RBFOX1: variants seen among roughly 807,000 people sequenced by gnomAD.
The protein encoded by RBFOX1 is RNA binding fox-1 homolog 1, also known as RNA binding protein fox-1 homolog 1.
RBFOX1 carries 8 observed loss-of-function variants against 57.7 expected under a neutral mutation model. That is an observed-to-expected ratio of 0.14 (90% CI 0.08 to 0.25). RBFOX1 has a LOEUF of 0.25. RBFOX1 is among the 10% of genes least tolerant of loss of function. The pLI, the probability that RBFOX1 is intolerant of heterozygous loss-of-function variation, is 1.00. For synonymous variants in RBFOX1, 326 were observed against 222.4 expected (o/e 1.47, Z -4.15); for missense variants, 611 against 548.5 (o/e 1.11, Z -1.14).
At position 7,699,453 on chromosome 16, in the gene RBFOX1, A is replaced by C. The variant is rs547329047; in HGVS notation, c.996-9603A>C. ...GCCATCCTGCCCCTTTGGCCTACCA[A>C]AGTCCTGCGAGTACAGGCACGGGCC... On this transcript the variant is annotated intron_variant, in intron 14 of 15. Coordinates refer to ENST00000550418, the MANE Select transcript of RBFOX1 (RefSeq NM_018723.4). Among the ~76,000 whole-genome samples the C allele has an allele frequency of 2.0e-5, 3 of 152,214 alleles. No individual in the cohort carries two copies. In the East Asian group the frequency reaches 5.8e-4, roughly 29 times the overall value.
At chr16:6,698,247 G>A (rs1274701283) in intron 3 of RBFOX1, among the ~76,000 whole-genome samples, 2 of 152,114 alleles carry the variant, frequency 1.3e-5, no homozygotes, top group Non-Finnish European at 2.9e-5. Flanking sequence ...AAATAATACA[G>A]CATTAAGATG....
At chr16:6,919,782 T>TG (rs2074053846) in intron 3 of RBFOX1, among the ~76,000 whole-genome samples, 1 of 151,174 alleles carries the variant, frequency 6.6e-6, no homozygotes, top group Non-Finnish European at 1.5e-5. Flanking sequence ...TTTTTTTTTT[T>TG]TTTTCATTAT....
intron 2 of RBFOX1, among the ~76,000 whole-genome samples, chr16:6,555,872 T>A (rs548585034): frequency 6.6e-6 from 1 of 152,322 alleles, no homozygotes; most frequent in South Asian, 2.1e-4. Context: ...TGTCTGGTTA[T>A]TAGTCAATTC....
At chr16:7,332,905 C>T (rs755608117) in intron 4 of RBFOX1, 85 of 1,585,676 alleles carry the variant, frequency 5.4e-5, no homozygotes, top group Non-Finnish European at 6.9e-5. Flanking sequence ...ATTTGGCTCC[C>T]AGCTTTGTAG....
At chr16:6,473,997 G>C (rs1027630024) in intron 2 of RBFOX1, among the ~76,000 whole-genome samples, 7 of 152,158 alleles carry the variant, frequency 4.6e-5, no homozygotes, top group Non-Finnish European at 8.8e-5. Flanking sequence ...TGACTTCCTT[G>C]AATCGTGACT....
chr16:7,600,682 T>C (rs1213723193), intron 9 of RBFOX1, among the ~76,000 whole-genome samples: 2 of 152,232 alleles, frequency 1.3e-5, no homozygotes, highest in Non-Finnish European at 1.5e-5. Context: ...AATATAGTTA[T>C]CAATGCCAGC....
chr16:5,632,726 C>T (rs943073250), intron 3 of RBFOX1, among the ~76,000 whole-genome samples: 1 of 152,152 alleles, frequency 6.6e-6, no homozygotes, highest in Non-Finnish European at 1.5e-5. Context: ...ATTTAGTGAG[C>T]ACTTACTGTC....
At chr16:6,778,010 A>C (rs1448007184) in intron 3 of RBFOX1, among the ~76,000 whole-genome samples, 1 of 152,176 alleles carries the variant, frequency 6.6e-6, no homozygotes, top group Non-Finnish European at 1.5e-5. Flanking sequence ...ATATACATTT[A>C]TGCTCCATGT....
intron 4 of RBFOX1, among the ~76,000 whole-genome samples, chr16:7,497,104 C>G (rs939114394): frequency 6.6e-6 from 1 of 152,164 alleles, no homozygotes; most frequent in Non-Finnish European, 1.5e-5. Flanking sequence ...CTAAGACAAA[C>G]CTGACCATGT....
chr16:6,976,865 C>G (rs1313995579), intron 3 of RBFOX1, among the ~76,000 whole-genome samples: 1 of 7,168 alleles, frequency 1.4e-4, no homozygotes, highest in Non-Finnish European at 2.0e-4. Flanking sequence ...ACATATATAT[C>G]ACATATGTCA....
chr16:7,310,350 C>A (rs1276410592), intron 4 of RBFOX1, among the ~76,000 whole-genome samples: 1 of 152,140 alleles, frequency 6.6e-6, no homozygotes, highest in African/African-American at 2.4e-5. Context: ...TGTTTCTGAT[C>A]TTCCTGTCAT....
intron 4 of RBFOX1, among the ~76,000 whole-genome samples, chr16:7,459,834 A>G (rs2059217803): frequency 1.3e-5 from 2 of 152,186 alleles, no homozygotes; most frequent in Non-Finnish European, 2.9e-5. Flanking sequence ...GGGCCACCAT[A>G]CATACACATT....
Position 5,870,373 on chromosome 16 carries a change from C to CAAAAA in RBFOX1, c.351+3053_351+3057dup, listed in dbSNP as rs59398844. Among the ~76,000 whole-genome samples the CAAAAA allele has an allele frequency of 3.9e-3, 352 of 91,078 alleles. 2 individuals are homozygous for CAAAAA. Among genetic ancestry groups the CAAAAA allele is most frequent in the African/African-American group, 0.014 (304 of 21,758 alleles). 59.8% of individuals were successfully genotyped at this position (91,078 alleles called of 152,430 possible). A position where few individuals can be genotyped will look rare whatever the true frequency, so the allele number is the denominator to read the frequency against. ...ATCTTACAGGTTGTAATTTGTATGG[C>CAAAAA]AAAAAAAAAAAAAAAAAAATGAAGG... On this transcript the variant is annotated intron_variant, in intron 4 of 19. Coordinates refer to the RBFOX1 transcript ENST00000641259.
At position 6,885,515 on chromosome 16, in the gene RBFOX1, C is replaced by G. The variant is rs1300607069; in HGVS notation, c.-15-166542C>G. 5.3e-5 allele frequency among the ~76,000 whole-genome samples: 8 copies of G among 151,202 alleles called. No homozygotes were observed. The South Asian group carries it at 1.7e-3, about 32-fold the overall frequency. ...CCAGGATGGTGCATTAAATCTACTT[C>G]TGCATTTTATTTTTTTATTTTTTTT... On this transcript the variant is annotated intron_variant, in intron 3 of 15. Transcript: ENST00000550418.
At chr16:6,537,269 C>G (rs954834575) in intron 2 of RBFOX1, among the ~76,000 whole-genome samples, 2 of 152,066 alleles carry the variant, frequency 1.3e-5, no homozygotes, top group African/African-American at 2.4e-5. Flanking sequence ...AGAATATGAA[C>G]AGCAATATTT....
chr16:7,283,767 C>A (rs1603484867), intron 4 of RBFOX1, among the ~76,000 whole-genome samples: 1 of 152,272 alleles, frequency 6.6e-6, no homozygotes, highest in African/African-American at 2.4e-5. Context: ...GTCATCAGAT[C>A]ATTGCATCAA....
At chr16:7,035,321 C>G (rs993696002) in intron 3 of RBFOX1, among the ~76,000 whole-genome samples, 2 of 152,068 alleles carry the variant, frequency 1.3e-5, no homozygotes, top group Admixed American at 1.3e-4. Context: ...TGGTGCTGGC[C>G]CATTTATCCT....
intron 2 of RBFOX1, among the ~76,000 whole-genome samples, chr16:6,435,382 C>G (rs1197852808): frequency 6.6e-6 from 1 of 151,356 alleles, no homozygotes; most frequent in Admixed American, 6.6e-5. Context: ...CTCACTGCAG[C>G]CTCTGCCTCC....
chr16:7,108,506 A>C (rs2064023247), intron 4 of RBFOX1, among the ~76,000 whole-genome samples: 1 of 152,072 alleles, frequency 6.6e-6, no homozygotes, highest in Non-Finnish European at 1.5e-5. Flanking sequence ...TGTCTCCAGG[A>C]TATGTTTCTA....
Sources: gnomAD v4.1 joint callset for allele counts (sites outside exome capture counted in the v4.1 genomes callset) on GRCh38, gnomAD v4.1.1 for gene constraint, MANE v1.5 for transcripts, NCBI Gene and HGNC (gene_info 2026-07-23, HGNC 2026-07-21) for gene names.